Variants in ZSCAN5A observed in about 807,000 individuals in gnomAD.
ZSCAN5A encodes the protein zinc finger and SCAN domain containing 5A.
A neutral mutation model predicts 23.7 loss-of-function variants in ZSCAN5A; 12 were observed. That is an observed-to-expected ratio of 0.51 (90% confidence interval 0.32 to 0.82). ZSCAN5A has a LOEUF of 0.82. ZSCAN5A is among the 40% of genes least tolerant of loss of function. ZSCAN5A has a pLI of 0.03. For missense variants in ZSCAN5A, 597 were observed against 617.9 expected (o/e 0.97, Z 0.36); for synonymous variants, 257 against 239.9 (o/e 1.07, Z -0.66).
At chr19:56,274,623 T>C (rs949431822) in intron 2 of ZSCAN5A, 3 of 152,202 alleles carry the variant, frequency 2.0e-5, no homozygotes, top group Admixed American at 1.3e-4. Flanking sequence ...GCACAATGAC[T>C]AAAAGCAAGA....
chr19:56,252,697 G>C (rs1045726090), intron 2 of ZSCAN5A, among the ~76,000 whole-genome samples: 1 of 152,230 alleles, frequency 6.6e-6, no homozygotes, highest in Admixed American at 6.5e-5. Context: ...CCCAAGGAAA[G>C]AGCAAGTCAA....
chr19:56,344,107 C>T (rs1168969504), intron 2 of ZSCAN5A, among the ~76,000 whole-genome samples: 1 of 152,200 alleles, frequency 6.6e-6, no homozygotes, highest in Non-Finnish European at 1.5e-5. Context: ...TCTGACCTAA[C>T]TGACTCCATC....
rs1296720189 is a variant in ZSCAN5A at position 56,221,611 on chromosome 19, G to A, written c.1455C>T (p.Arg485=). The A allele has an allele frequency of 6.2e-7, 1 of 1,608,970 alleles. No homozygotes were observed. The highest frequency in any genetic ancestry group is 8.5e-7 in the Non-Finnish European group (1 of 1,177,516). The change falls in exon 6 of 6, where the codon CGC becomes CGT. Residue 485 remains arginine (R), a synonymous_variant. Coordinates refer to ENST00000683990, the MANE Select transcript of ZSCAN5A (RefSeq NM_001322064.3). ...TAGCTTCTGGATGTGTTTTCTGGTG[G>A]CGTCTTAACAATTTCAGCCGACTGA... ...RAFSRLKLLR[R]HQKTHPEATS...
In ZSCAN5A at chr19:56,244,437, C is replaced by T. The variant is rs554447615; in HGVS notation, c.-127-19264G>A. ...AGACCCAAGAAATGGGTGAGTGGGACCCTCGTGACTGGTGCAGGGAAGGGG... is the reference window on the plus strand; with the variant it reads ...AGACCCAAGAAATGGGTGAGTGGGATCCTCGTGACTGGTGCAGGGAAGGGG... On this transcript the variant is annotated intron_variant, in intron 2 of 5. Transcript: ENST00000683990. 45 of 1,579,768 alleles carry T rather than the reference C, an allele frequency of 2.8e-5. 1 individual carries two copies. In the South Asian group the frequency reaches 5.2e-4, roughly 18 times the overall value.
chr19:56,221,859 G>C lies in ZSCAN5A; in HGVS notation c.1207C>G (p.Gln403Glu), dbSNP rs935777084. Reference sequence around the variant, plus strand: ...GGCCTCTCGCCAGTGTGGGTTCGCTGGTGAAATTGGAGGCTAATAAGCTGC... The same window carrying C: ...GGCCTCTCGCCAGTGTGGGTTCGCTCGTGAAATTGGAGGCTAATAAGCTGC... ...FMQLISLQFHQRTHTGERPYT... is the reference protein window; with the variant it reads ...FMQLISLQFHERTHTGERPYT... Residue 403 changes from glutamine to glutamate, a missense_variant, in exon 6 of 6, where the codon CAG becomes GAG. Gln to Glu is a conservative substitution (Grantham distance 29). Transcript: ENST00000683990. 2.5e-6 allele frequency: 4 copies of C among 1,614,032 alleles called. No individual in the cohort carries two copies. In the African/African-American group the frequency reaches 5.3e-5, roughly 22 times the overall value.
intron 2 of ZSCAN5A, among the ~76,000 whole-genome samples, chr19:56,299,156 C>T (rs966595440): frequency 1.3e-5 from 2 of 151,564 alleles, no homozygotes; most frequent in Non-Finnish European, 2.9e-5. Context: ...TTTTGAGACA[C>T]GGTCTAGCTT....
intron 2 of ZSCAN5A, among the ~76,000 whole-genome samples, chr19:56,238,899 A>C (rs2146590068): frequency 6.6e-6 from 1 of 152,240 alleles, no homozygotes; most frequent in Middle Eastern, 3.4e-3. Flanking sequence ...GGAATTGGGT[A>C]GGTAGATGGT....
chr19:56,253,227 CA>C (rs2146762544), intron 2 of ZSCAN5A, among the ~76,000 whole-genome samples: 1 of 149,156 alleles, frequency 6.7e-6, no homozygotes, highest in South Asian at 2.1e-4. Flanking sequence ...GTGATTGTGC[CA>C]CTGCACTCCA....
chr19:56,223,651 G>C lies in ZSCAN5A; in HGVS notation c.568C>G (p.Pro190Ala), dbSNP rs991659846. 8 of 1,613,532 alleles carry C rather than the reference G, an allele frequency of 5.0e-6. No homozygotes were observed. The highest frequency in any genetic ancestry group is 2.2e-5 in the East Asian group (1 of 44,860). ...HRELQILPRV[P>A]ALSRRQGEDF... is the part of the protein sequence containing the mutation. ...CTCACCTGCCTCCTGGACAATGCAG[G>C]GACCCTGGGCAGGATCTGCAGCTCT... The change falls in exon 4 of 6, where the codon CCT becomes GCT. Residue 190 changes from proline to alanine, a missense_variant. By Grantham distance (27) the Pro-to-Ala change is conservative (BLOSUM62 -1). Coordinates refer to ENST00000683990, the MANE Select transcript of ZSCAN5A (RefSeq NM_001322064.3).
At chr19:56,268,725 T>A (rs750379961) in intron 2 of ZSCAN5A, among the ~76,000 whole-genome samples, 3 of 152,170 alleles carry the variant, frequency 2.0e-5, no homozygotes, top group Non-Finnish European at 2.9e-5. Flanking sequence ...GTCACCCACA[T>A]CTAGTTTTAA....
At chr19:56,269,301 C>T (rs552491938) in intron 2 of ZSCAN5A, among the ~76,000 whole-genome samples, 46 of 152,124 alleles carry the variant, frequency 3.0e-4, no homozygotes, top group Non-Finnish European at 4.9e-4. Flanking sequence ...AAAACATTCA[C>T]AATTATATGG....
At chr19:56,326,337 G>GT (rs71184351) in intron 2 of ZSCAN5A, among the ~76,000 whole-genome samples, 1 of 150,284 alleles carries the variant, frequency 6.7e-6, no homozygotes, top group Non-Finnish European at 1.5e-5. Context: ...GTGTGTGTGT[G>GT]GTGAGAACAT....
chr19:56,240,203 CA>C (rs369281063), intron 2 of ZSCAN5A, among the ~76,000 whole-genome samples: 3 of 150,298 alleles, frequency 2.0e-5, no homozygotes, highest in Non-Finnish European at 3.0e-5. Context: ...TAAAACCAAA[CA>C]AAAAAAAACT....
At chr19:56,234,303 T>C (rs969234097) in intron 2 of ZSCAN5A, among the ~76,000 whole-genome samples, 1 of 152,020 alleles carries the variant, frequency 6.6e-6, no homozygotes, top group Admixed American at 6.5e-5. Context: ...GTTCAGGTCA[T>C]AAAAAGAAAA....
chr19:56,289,632 G>A (rs1030667482), intron 2 of ZSCAN5A, among the ~76,000 whole-genome samples: 1 of 152,024 alleles, frequency 6.6e-6, no homozygotes, highest in Non-Finnish European at 1.5e-5. Flanking sequence ...GGGTTTTTTT[G>A]AGATGGGTTC....
At chr19:56,240,444 T>C (rs189383566) in intron 2 of ZSCAN5A, among the ~76,000 whole-genome samples, 19 of 152,218 alleles carry the variant, frequency 1.2e-4, no homozygotes, top group African/African-American at 4.6e-4. Flanking sequence ...CTGGAGTCCT[T>C]CGACTTCTCC....
At chr19:56,240,183 A>C (rs2035318346) in intron 2 of ZSCAN5A, among the ~76,000 whole-genome samples, 1 of 150,840 alleles carries the variant, frequency 6.6e-6, no homozygotes, top group Non-Finnish European at 1.5e-5. Flanking sequence ...AAAGAAGAAA[A>C]AAAAACCCAT....
Position 56,221,569 on chromosome 19 carries a change from A to T in ZSCAN5A, c.*6T>A, listed in dbSNP as rs1485690494. On this transcript the variant is annotated 3_prime_UTR_variant, in exon 6 of 6. Transcript: ENST00000683990. ...TGGTGCAGAAGGCATAGACCGGATT[A>T]TGCAATCACTGAGAAGTAGCTTCTG... 103 of 1,585,318 alleles carry T rather than the reference A, an allele frequency of 6.5e-5. No homozygotes were observed. Among genetic ancestry groups the T allele is most frequent in the Non-Finnish European group, 8.6e-5 (100 of 1,167,214 alleles).
At chr19:56,337,278 A>C (rs2041548083) in intron 2 of ZSCAN5A, among the ~76,000 whole-genome samples, 1 of 152,180 alleles carries the variant, frequency 6.6e-6, no homozygotes, top group African/African-American at 2.4e-5. Flanking sequence ...AAGCCCCGGC[A>C]ATGGCAGGCG....
Sources: gnomAD v4.1 joint callset for allele counts (sites outside exome capture counted in the v4.1 genomes callset) on GRCh38, gnomAD v4.1.1 for gene constraint, MANE v1.5 for transcripts, NCBI Gene and HGNC (gene_info 2026-07-23, HGNC 2026-07-21) for gene names.